COL24A1: variants seen among roughly 807,000 people sequenced by gnomAD.
COL24A1 encodes the protein collagen alpha-1(XXIV) chain.
Under a neutral mutation model 253.9 loss-of-function variants are expected in COL24A1, and 224 were observed. That is an observed-to-expected ratio of 0.88 (90% confidence interval 0.79 to 0.99). The LOEUF is 0.99. Ranked by LOEUF, COL24A1 falls within the 50% of genes least tolerant of loss-of-function variation. The probability of loss-of-function intolerance (pLI) is 0.00; values close to 1 mark genes in which losing one functional copy is unlikely to be tolerated. For synonymous variants in COL24A1, 685 were observed against 673.7 expected (o/e 1.02, Z -0.26); for missense variants, 2,131 against 2,068.5 (o/e 1.03, Z -0.59).
chr1:85,795,646 GT>G (rs902463487), intron 47 of COL24A1, among the ~76,000 whole-genome samples: 4 of 152,004 alleles, frequency 2.6e-5, no homozygotes, highest in African/African-American at 9.7e-5. Flanking sequence ...TCTAAAAAAA[GT>G]TTTTTCCTTT....
At chr1:85,871,171 A>C (rs999536355) in intron 35 of COL24A1, among the ~76,000 whole-genome samples, 2 of 152,198 alleles carry the variant, frequency 1.3e-5, no homozygotes, top group Non-Finnish European at 2.9e-5. Context: ...CCCTGAATAG[A>C]CCAATAATAG....
intron 37 of COL24A1, among the ~76,000 whole-genome samples, chr1:85,853,223 G>A (rs935837789): frequency 6.6e-6 from 1 of 152,150 alleles, no homozygotes; most frequent in Non-Finnish European, 1.5e-5. Flanking sequence ...TGTGGTATTT[G>A]GTTTTCTGTT....
intron 20 of COL24A1, among the ~76,000 whole-genome samples, chr1:85,976,767 A>T (rs1011000078): frequency 6.6e-6 from 1 of 152,086 alleles, no homozygotes; most frequent in Non-Finnish European, 1.5e-5. Context: ...CTGACAAAAT[A>T]ACCCTACTCC....
chr1:85,860,822 G>A lies in COL24A1; in HGVS notation c.3300+7697C>T, dbSNP rs139921579. On this transcript the variant is annotated intron_variant, in intron 37 of 59. Transcript: ENST00000370571. Reference sequence around the variant, plus strand: ...TTCTTTCATTTAGCATAATGTTTTCGAGGTTAATCCATGCTGCACCATGTA... The same window carrying A: ...TTCTTTCATTTAGCATAATGTTTTCAAGGTTAATCCATGCTGCACCATGTA... 7.9e-5 allele frequency among the ~76,000 whole-genome samples: 12 copies of A among 152,308 alleles called. No individual in the cohort carries two copies. In the East Asian group the frequency reaches 1.9e-3, roughly 24 times the overall value.
intron 7 of COL24A1, among the ~76,000 whole-genome samples, chr1:86,069,109 T>G (rs1398166466): frequency 6.6e-6 from 1 of 152,040 alleles, no homozygotes; most frequent in Non-Finnish European, 1.5e-5. Context: ...AGAGACGGGA[T>G]TTTGTCTTGC....
intron 7 of COL24A1, among the ~76,000 whole-genome samples, chr1:86,072,519 G>A: frequency 6.6e-6 from 1 of 152,166 alleles, no homozygotes; most frequent in Non-Finnish European, 1.5e-5. Context: ...AACTCCCTGG[G>A]TCAGAGCACC....
chr1:85,851,131 C>T (rs1158395796), intron 37 of COL24A1, among the ~76,000 whole-genome samples: 1 of 151,440 alleles, frequency 6.6e-6, no homozygotes, highest in Non-Finnish European at 1.5e-5. Flanking sequence ...TTTTATTGTT[C>T]CTACACATTT....
At chr1:85,991,545 T>C (rs769750238) in intron 19 of COL24A1, among the ~76,000 whole-genome samples, 1 of 152,220 alleles carries the variant, frequency 6.6e-6, no homozygotes, top group Admixed American at 6.5e-5. Flanking sequence ...GTCTGTCTTA[T>C]AATTGTTTGT....
At chr1:85,865,311 T>C (rs891361283) in intron 37 of COL24A1, among the ~76,000 whole-genome samples, 2 of 152,220 alleles carry the variant, frequency 1.3e-5, no homozygotes, top group African/African-American at 2.4e-5. Context: ...CAATAGTTCC[T>C]TGGATTGCAA....
Position 86,142,213 on chromosome 1 carries a change from G to GA in COL24A1, c.121+3905dup, listed in dbSNP as rs540774545. On this transcript the variant is annotated intron_variant, in intron 2 of 59. Transcript: ENST00000370571. ...GAAAAAAAAAAAGACTAGTCTCAGTGAAAAAACCCTTAAAAATTTAAACAC... is the reference window on the plus strand; with the variant it reads ...GAAAAAAAAAAAGACTAGTCTCAGTGAAAAAAACCCTTAAAAATTTAAACAC... Among the ~76,000 whole-genome samples the GA allele has an allele frequency of 2.7e-3, 408 of 151,794 alleles. 2 individuals are homozygous for GA. Among genetic ancestry groups the GA allele is most frequent in the African/African-American group, 9.5e-3 (395 of 41,426 alleles).
At chr1:86,145,034 C>A (rs1161307449) in intron 2 of COL24A1, among the ~76,000 whole-genome samples, 1 of 152,038 alleles carries the variant, frequency 6.6e-6, no homozygotes, top group African/African-American at 2.4e-5. Context: ...AATCATTTCC[C>A]ATAAAAGAGA....
intron 19 of COL24A1, among the ~76,000 whole-genome samples, chr1:85,991,384 A>C (rs1471713060): frequency 6.6e-6 from 1 of 152,228 alleles, no homozygotes; most frequent in East Asian, 1.9e-4. Flanking sequence ...TATAGTTTTT[A>C]AAGATGCACA....
chr1:86,149,183 C>A (rs1288670107), intron 1 of COL24A1, among the ~76,000 whole-genome samples: 3 of 152,198 alleles, frequency 2.0e-5, no homozygotes, highest in Non-Finnish European at 2.9e-5. Flanking sequence ...GCATGAGCCA[C>A]CATGCCTGGC....
rs1650727684 is a variant in COL24A1, at chr1:86,139,203, AAGT to A, written c.121+6913_121+6915del. Among the ~76,000 whole-genome samples the A allele has an allele frequency of 2.0e-5, 3 of 151,382 alleles. No individual in the cohort carries two copies. The South Asian group carries it at 6.3e-4, about 32-fold the overall frequency. On this transcript the variant is annotated intron_variant, in intron 2 of 59. Transcript: ENST00000370571. ...AAGGGGGGGGAGAGGGAGGAGAGAGAAGTAGTAGATCGAGAAAGAGGGATGGAG... is the reference window on the plus strand; with the variant it reads ...AAGGGGGGGGAGAGGGAGGAGAGAGAAGTAGATCGAGAAAGAGGGATGGAG...
chr1:85,779,472 C>T (rs313728), intron 52 of COL24A1, among the ~76,000 whole-genome samples: 115,854 of 151,690 alleles, frequency 0.76, 45,022 homozygotes, highest in Non-Finnish European at 0.84. Context: ...ATGAAGCCAA[C>T]ATTCAGGATA....
At chr1:85,796,788 A>T (rs370690786) in intron 47 of COL24A1, among the ~76,000 whole-genome samples, 13 of 152,208 alleles carry the variant, frequency 8.5e-5, no homozygotes, top group African/African-American at 2.9e-4. Flanking sequence ...TATAAAAACC[A>T]TATGGATTAA....
At chr1:86,030,019 T>G (rs1411455938) in intron 14 of COL24A1, 1 of 151,974 alleles carries the variant, frequency 6.6e-6, no homozygotes. Context: ...AGTTGCACAT[T>G]ATACCTTTAG....
intron 38 of COL24A1, among the ~76,000 whole-genome samples, chr1:85,848,259 TCAGA>T (rs1480563669): frequency 1.3e-5 from 2 of 152,320 alleles, no homozygotes; most frequent in African/African-American, 4.8e-5. Context: ...TTTACATCTT[TCAGA>T]AAACTAATTA....
chr1:85,922,676 T>C (rs1275800800), intron 24 of COL24A1, among the ~76,000 whole-genome samples: 1 of 152,012 alleles, frequency 6.6e-6, no homozygotes, highest in Non-Finnish European at 1.5e-5. Flanking sequence ...GCACTAAACA[T>C]GGAAAGGAAT....
Sources: allele counts gnomAD v4.1 joint callset (sites outside exome capture counted in the v4.1 genomes callset), GRCh38; gene constraint gnomAD v4.1.1; transcripts MANE v1.5; gene names NCBI Gene and HGNC (gene_info 2026-07-23, HGNC 2026-07-21).